CNDP2: variants seen among roughly 807,000 people sequenced by gnomAD.
The protein encoded by CNDP2 is carnosine dipeptidase 2.
In CNDP2, 38 loss-of-function variants were observed where a neutral mutation model predicts 55.0. That is an observed-to-expected ratio of 0.69 (90% CI 0.53 to 0.90). The LOEUF is 0.90. CNDP2 is among the 40% of genes least tolerant of loss of function. The pLI is 0.00. For synonymous variants in CNDP2, 241 were observed against 260.2 expected, an observed-to-expected ratio of 0.93 and a Z score of 0.71; for missense variants, 607 against 621.7, an observed-to-expected ratio of 0.98 and a Z score of 0.25.
chr18:74,508,981 A>T, intron 5 of CNDP2, 53 bp downstream of exon 5: 2 of 1,442,640 alleles, frequency 1.4e-6, no homozygotes, highest in Non-Finnish European at 1.9e-6. Context: ...TCTGAGCCAT[A>T]CAAAGACAGG....
At chr18:74,506,624 C>G (rs901218534) in intron 4 of CNDP2, among the ~76,000 whole-genome samples, 5 of 152,198 alleles carry the variant, frequency 3.3e-5, no homozygotes, top group African/African-American at 1.2e-4. Flanking sequence ...TCCTGAAAAG[C>G]CTGTCCCCTT....
chr18:74,508,596 C>A, intron 4 of CNDP2: 1 of 467,018 alleles, frequency 2.1e-6, no homozygotes. Flanking sequence ...CACCTGACCA[C>A]CGTGACCACG....
intron 3 of CNDP2, among the ~76,000 whole-genome samples, chr18:74,504,350 A>C (rs552416527): frequency 1.7e-4 from 26 of 152,104 alleles, no homozygotes; most frequent in Non-Finnish European, 2.9e-5. Flanking sequence ...ACGCAGCCAC[A>C]CTGCCGCTGG....
In CNDP2 at chr18:74,501,310, G is replaced by A; in HGVS notation, c.61-19G>A. 1 of 1,609,210 alleles carries A rather than the reference G, an allele frequency of 6.2e-7. No individual in the cohort carries two copies. Among genetic ancestry groups the A allele is most frequent in the African/African-American group, 1.3e-5 (1 of 74,898 alleles). ...GGACACCTTTTCAGAATCCCTCGTT[G>A]CTTCTTGTCCACAAACAGAAACTCG... is the stretch of plus-strand genomic sequence containing the variant. On this transcript the variant is annotated intron_variant, in intron 2 of 11. Transcript: ENST00000324262.
chr18:74,511,742 A>G (rs573056800), intron 6 of CNDP2, among the ~76,000 whole-genome samples: 1 of 151,446 alleles, frequency 6.6e-6, no homozygotes, highest in African/African-American at 2.4e-5. Flanking sequence ...AGGCAGCACC[A>G]AGAGTGGGAA....
chr18:74,501,582 C>T (rs2144573985), intron 3 of CNDP2, 110 bp downstream of exon 3: 1 of 1,372,506 alleles, frequency 7.3e-7, no homozygotes, highest in Non-Finnish European at 9.8e-7. Flanking sequence ...ACCCCACTCA[C>T]CTTTAAAACA....
In CNDP2 at chr18:74,512,444, G is replaced by A. The variant is rs1599068152; in HGVS notation, c.658-4G>A. The A allele has an allele frequency of 6.2e-7, 1 of 1,612,878 alleles. No individual in the cohort carries two copies. The highest frequency in any genetic ancestry group is 1.7e-5 in the Admixed American group (1 of 59,902). On this transcript the variant is annotated splice_region_variant and splice_polypyrimidine_tract_variant and intron_variant, in intron 6 of 11. Transcript: ENST00000324262. ...CAGACACAGTGGCCTTTGTTTCCGT[G>A]CAGGTGGAGTGCAGCAACAAAGACC...
chr18:74,506,609 G>A (rs1344295559), intron 4 of CNDP2, among the ~76,000 whole-genome samples: 2 of 152,154 alleles, frequency 1.3e-5, no homozygotes, highest in African/African-American at 4.8e-5. Flanking sequence ...ATCCAGGCAG[G>A]GCCTTCCTGA....
At chr18:74,508,763 CA>C (rs1242953135) in intron 4 of CNDP2, 76 bp from the exon 5 acceptor site, 3 of 1,183,148 alleles carry the variant, frequency 2.5e-6, no homozygotes, top group Non-Finnish European at 3.8e-6. Context: ...AAGGGGTTAT[CA>C]GATGTGCACC....
Position 74,510,904 on chromosome 18 carries a change from C to T in CNDP2, c.548C>T (p.Thr183Ile). ...GAGCTGATTTTTGCCCGGAAAGACA[C>T]ATTCTTTAAGGATGTGGACTATGTC... ...LDELIFARKD[T>I]FFKDVDYVCI... Residue 183 changes from threonine (T) to isoleucine (I), a missense_variant, in exon 6 of 12, where the codon ACA becomes ATA. Transcript: ENST00000324262. 1 of 1,614,152 alleles carries T rather than the reference C, an allele frequency of 6.2e-7. No homozygotes were observed. Among genetic ancestry groups the T allele is most frequent in the Non-Finnish European group, 8.5e-7 (1 of 1,180,000 alleles).
At chr18:74,518,841 A>G in intron 10 of CNDP2, 108 bp from the exon 11 acceptor site, 1 of 1,513,468 alleles carries the variant, frequency 6.6e-7, no homozygotes, top group Non-Finnish European at 9.0e-7. Flanking sequence ...TGCTGTCCCC[A>G]GGGCCTTGCA....
intron 2 of CNDP2, chr18:74,501,090 G>A: frequency 1.1e-6 from 1 of 872,304 alleles, no homozygotes; most frequent in Non-Finnish European, 1.5e-6. Flanking sequence ...TTTTTTGTTT[G>A]TTTTTAAACA....
chr18:74,517,564 T>C (rs564555049), intron 9 of CNDP2: 11 of 152,194 alleles, frequency 7.2e-5, no homozygotes, highest in African/African-American at 2.6e-4. Flanking sequence ...ACAGGGTCAT[T>C]TATCTCCTAA....
chr18:74,518,443 T>C (rs1979838565), intron 9 of CNDP2, 56 bp from the exon 10 acceptor site: 1 of 1,607,278 alleles, frequency 6.2e-7, no homozygotes, highest in Admixed American at 1.7e-5. Flanking sequence ...TCACTAGCAC[T>C]GGATCAAATG....
At chr18:74,499,275 G>A (rs1555702609) in intron 1 of CNDP2, 1 of 152,324 alleles carries the variant, frequency 6.6e-6, no homozygotes, top group Non-Finnish European at 1.5e-5. Flanking sequence ...CTGAGGATGT[G>A]TTTTCACCTC....
chr18:74,506,245 C>T (rs1979019383), intron 4 of CNDP2, among the ~76,000 whole-genome samples: 2 of 152,178 alleles, frequency 1.3e-5, no homozygotes, highest in South Asian at 4.1e-4. Context: ...AGCGATTCTC[C>T]TGCCTCAGCC....
At chr18:74,511,498 G>A (rs1480115062) in intron 6 of CNDP2, among the ~76,000 whole-genome samples, 3 of 152,110 alleles carry the variant, frequency 2.0e-5, no homozygotes. Flanking sequence ...CTTGAGGTCA[G>A]GAGTTTGAAA....
Position 74,510,876 on chromosome 18 carries a change from G to A in CNDP2, c.520G>A (p.Asp174Asn), listed in dbSNP as rs1450218769. ...GGAGGAGTCAGGCTCTGAGGGCCTA[G>A]ACGAGCTGATTTTTGCCCGGAAAGA... ...GMEESGSEGL[D>N]ELIFARKDTF... Residue 174 changes from aspartate to asparagine, a missense_variant, in exon 6 of 12, where the codon GAC becomes AAC. By Grantham distance (23) the Asp-to-Asn change is conservative. Transcript: ENST00000324262. 9.9e-6 allele frequency: 16 copies of A among 1,614,102 alleles called. No homozygotes were observed. The highest frequency in any genetic ancestry group is 1.3e-5 in the Non-Finnish European group (15 of 1,180,060).
chr18:74,507,110 T>C (rs555782346), intron 4 of CNDP2: 1 of 152,370 alleles, frequency 6.6e-6, no homozygotes, highest in Admixed American at 6.5e-5. Flanking sequence ...CTTGTCACGG[T>C]GGAATTACTA....
Sources: allele counts gnomAD v4.1 joint callset (sites outside exome capture counted in the v4.1 genomes callset), GRCh38; gene constraint gnomAD v4.1.1; transcripts MANE v1.5; gene names NCBI Gene and HGNC (gene_info 2026-07-23, HGNC 2026-07-21).